Variants in RABGAP1L observed in about 807,000 individuals in gnomAD.
The protein encoded by RABGAP1L is rab GTPase-activating protein 1-like.
A neutral mutation model predicts 137.7 loss-of-function variants in RABGAP1L; 63 were observed. That is an observed-to-expected ratio of 0.46 (90% confidence interval 0.37 to 0.56). The LOEUF (loss-of-function observed/expected upper bound fraction) is 0.56. Ranked by LOEUF, RABGAP1L falls within the 20% of genes least tolerant of loss-of-function variation. The pLI is 0.00. For synonymous variants in RABGAP1L, 431 were observed against 433.7 expected, an observed-to-expected ratio of 0.99 and a Z score of 0.08; for missense variants, 1,095 against 1,244.0, an observed-to-expected ratio of 0.88 and a Z score of 1.80.
chr1:174,963,084 G>A (rs986797345), intron 20 of RABGAP1L, among the ~76,000 whole-genome samples: 7 of 151,062 alleles, frequency 4.6e-5, no homozygotes, highest in African/African-American at 1.7e-4. Flanking sequence ...GGGTGACAGA[G>A]CAAGACTCCG....
chr1:174,264,837 G>GA (rs552748137), intron 7 of RABGAP1L, among the ~76,000 whole-genome samples: 148 of 148,008 alleles, frequency 1.0e-3, no homozygotes, highest in Non-Finnish European at 1.3e-3. Context: ...AAAAAAATTA[G>GA]AAAAAAAAAC....
At chr1:174,597,250 T>A (rs1473286196) in intron 13 of RABGAP1L, among the ~76,000 whole-genome samples, 1 of 152,190 alleles carries the variant, frequency 6.6e-6, no homozygotes, top group Admixed American at 6.5e-5. Flanking sequence ...TTTGGAAGTA[T>A]TCACTCCTCC....
intron 12 of RABGAP1L, among the ~76,000 whole-genome samples, chr1:174,380,345 A>G (rs376477289): frequency 6.6e-6 from 1 of 152,020 alleles, no homozygotes; most frequent in African/African-American, 2.4e-5. Context: ...ATTGATTGGA[A>G]TAGTTTCAGA....
intron 10 of RABGAP1L, among the ~76,000 whole-genome samples, chr1:174,293,619 A>G (rs1213753311): frequency 6.6e-6 from 1 of 152,142 alleles, no homozygotes. Flanking sequence ...ATTAGGGGTC[A>G]AGGTAAAGAA....
chr1:174,925,525 A>G (rs1662639047), intron 19 of RABGAP1L, among the ~76,000 whole-genome samples: 1 of 152,024 alleles, frequency 6.6e-6, no homozygotes, highest in South Asian at 2.1e-4. Context: ...GCCGGGGAGA[A>G]AGCGAGCCAG....
intron 19 of RABGAP1L, among the ~76,000 whole-genome samples, chr1:174,813,489 G>A (rs1690082197): frequency 6.6e-6 from 1 of 151,920 alleles, no homozygotes; most frequent in African/African-American, 2.4e-5. Flanking sequence ...AACATTTTTT[G>A]GTATAACACA....
intron 13 of RABGAP1L, among the ~76,000 whole-genome samples, chr1:174,620,910 A>G (rs890522290): frequency 3.9e-5 from 6 of 152,180 alleles, no homozygotes; most frequent in Non-Finnish European, 7.3e-5. Context: ...AGAAGAAAAG[A>G]GAGAAGAATC....
intron 19 of RABGAP1L, among the ~76,000 whole-genome samples, chr1:174,849,233 C>T (rs868595423): frequency 2.0e-5 from 3 of 152,070 alleles, no homozygotes; most frequent in Admixed American, 6.5e-5. Flanking sequence ...TGTTCCTATT[C>T]GGCCATCTTG....
At chr1:174,403,278 C>G (rs1349118416) in intron 13 of RABGAP1L, among the ~76,000 whole-genome samples, 4 of 145,074 alleles carry the variant, frequency 2.8e-5, no homozygotes, top group Non-Finnish European at 6.1e-5. Context: ...TTCTTTTCTT[C>G]TCTCTTTTTT....
chr1:174,415,126 G>T (rs1174100938), intron 13 of RABGAP1L, among the ~76,000 whole-genome samples: 1 of 151,818 alleles, frequency 6.6e-6, no homozygotes, highest in Admixed American at 6.6e-5. Context: ...TTAATATATT[G>T]TTCTTTTAAC....
intron 13 of RABGAP1L, among the ~76,000 whole-genome samples, chr1:174,550,893 T>TATATATATATAC: frequency 1.8e-5 from 1 of 55,472 alleles, no homozygotes; most frequent in South Asian, 5.5e-4. Flanking sequence ...TATATATATA[T>TATATATATATAC]ATACACACAC....
chr1:174,650,819 T>C (rs1675418921), intron 14 of RABGAP1L, among the ~76,000 whole-genome samples: 1 of 145,948 alleles, frequency 6.9e-6, no homozygotes, highest in Non-Finnish European at 1.5e-5. Flanking sequence ...AAGGGTTTTT[T>C]GTGTCTCTAT....
chr1:174,665,187 G>A (rs1274642644), intron 14 of RABGAP1L, among the ~76,000 whole-genome samples: 3 of 152,174 alleles, frequency 2.0e-5, no homozygotes, highest in Non-Finnish European at 4.4e-5. Context: ...ACCAAATAGT[G>A]ACAGTGGCTA....
At chr1:174,689,277 T>G (rs1678702901) in intron 15 of RABGAP1L, among the ~76,000 whole-genome samples, 1 of 151,918 alleles carries the variant, frequency 6.6e-6, no homozygotes, top group Non-Finnish European at 1.5e-5. Context: ...CTATTACAGA[T>G]TCCAGAGTCC....
At chr1:174,743,162 CAA>C (rs1683586087) in intron 17 of RABGAP1L, among the ~76,000 whole-genome samples, 2 of 152,102 alleles carry the variant, frequency 1.3e-5, no homozygotes, top group Non-Finnish European at 2.9e-5. Context: ...ATCTCCCTGA[CAA>C]ACTGAAACTA....
intron 19 of RABGAP1L, among the ~76,000 whole-genome samples, chr1:174,846,971 C>T (rs1360845275): frequency 2.4e-5 from 1 of 41,440 alleles, no homozygotes; most frequent in Non-Finnish European, 9.4e-5. Flanking sequence ...GATCCCTTTA[C>T]CATTATGTAA....
chr1:174,414,007 C>T (rs73038674), intron 13 of RABGAP1L, among the ~76,000 whole-genome samples: 2,717 of 152,150 alleles, frequency 0.018, 83 homozygotes, highest in African/African-American at 0.062. Context: ...TTAAATTTCT[C>T]TCAACTGTGA....
chr1:174,872,645 T>G (rs1367477907), intron 19 of RABGAP1L, among the ~76,000 whole-genome samples: 1 of 152,064 alleles, frequency 6.6e-6, no homozygotes, highest in South Asian at 2.1e-4. Flanking sequence ...CACTGTAGCC[T>G]GAACCTCCTG....
At chr1:174,458,837 A>T (rs1042263739) in intron 13 of RABGAP1L, among the ~76,000 whole-genome samples, 1 of 152,144 alleles carries the variant, frequency 6.6e-6, no homozygotes, top group African/African-American at 2.4e-5. Flanking sequence ...ATAATCTCAT[A>T]GTCTAAAAGA....
Sources: gnomAD v4.1 joint callset for allele counts (sites outside exome capture counted in the v4.1 genomes callset) on GRCh38, gnomAD v4.1.1 for gene constraint, MANE v1.5 for transcripts, NCBI Gene and HGNC (gene_info 2026-07-23, HGNC 2026-07-21) for gene names.